Variants in WWOX observed in about 807,000 individuals in gnomAD.
The protein encoded by WWOX is WW domain containing oxidoreductase, also known as WW domain-containing oxidoreductase.
In WWOX, 69 loss-of-function variants were observed where a neutral mutation model predicts 46.2. The observed-to-expected ratio is 1.49, with a 90% CI of 1.23 to 1.82. The LOEUF (loss-of-function observed/expected upper bound fraction) is 1.82, where lower values mean the gene tolerates loss of function less well. Ranked by LOEUF, WWOX falls within the 40% of genes most tolerant of loss-of-function variation. WWOX has a pLI of 0.00. For missense variants in WWOX, 919 were observed against 542.6 expected, an observed-to-expected ratio of 1.69 and a Z score of -6.89; for synonymous variants, 359 against 202.6, an observed-to-expected ratio of 1.77 and a Z score of -6.56.
chr16:78,410,675 A>G (rs969015144), intron 6 of WWOX, among the ~76,000 whole-genome samples: 6 of 151,772 alleles, frequency 4.0e-5, no homozygotes, highest in African/African-American at 1.5e-4. Context: ...GCATGGTGGC[A>G]CATGCATGTA....
intron 6 of WWOX, among the ~76,000 whole-genome samples, chr16:78,420,575 CTA>C (rs200745776): frequency 0.011 from 1,645 of 151,032 alleles, 27 homozygotes; most frequent in African/African-American, 0.037. Flanking sequence ...ATAGGCGAAT[CTA>C]TAGGACAGAA....
At chr16:78,273,947 C>G (rs2079531484) in intron 5 of WWOX, among the ~76,000 whole-genome samples, 1 of 152,150 alleles carries the variant, frequency 6.6e-6, no homozygotes, top group Non-Finnish European at 1.5e-5. Context: ...GAGGGATGGA[C>G]AGGATAGACA....
chr16:79,128,060 G>C (rs1319247303), intron 8 of WWOX, among the ~76,000 whole-genome samples: 1 of 152,178 alleles, frequency 6.6e-6, no homozygotes, highest in African/African-American at 2.4e-5. Context: ...GGGAGATGCT[G>C]ATGATTTGGT....
chr16:78,121,037 C>G (rs2033068507), intron 4 of WWOX, among the ~76,000 whole-genome samples: 2 of 151,748 alleles, frequency 1.3e-5, no homozygotes, highest in South Asian at 4.2e-4. Flanking sequence ...CCATAGCTAA[C>G]TTACATTTAG....
At position 78,316,118 on chromosome 16, in the gene WWOX, A is replaced by G. The variant is rs574430685; in HGVS notation, c.517-70742A>G. Among the ~76,000 whole-genome samples the G allele has an allele frequency of 8.6e-5, 13 of 152,034 alleles. 1 individual carries two copies. In the South Asian group the frequency reaches 2.7e-3, roughly 32 times the overall value. ...AAAAAAATCAGGCATGTTAGCATGC[A>G]CCTGTGGTCCCAGCTACTTGGGAGG... On this transcript the variant is annotated intron_variant, in intron 5 of 8. Coordinates refer to ENST00000566780, the MANE Select transcript of WWOX (RefSeq NM_016373.4).
chr16:79,113,243 C>G (rs945284679), intron 8 of WWOX, among the ~76,000 whole-genome samples: 4 of 152,156 alleles, frequency 2.6e-5, no homozygotes, highest in Non-Finnish European at 5.9e-5. Flanking sequence ...GAAGCAAAAG[C>G]CATCCCAGGG....
At chr16:78,921,641 G>A (rs1206832282) in intron 8 of WWOX, among the ~76,000 whole-genome samples, 3 of 152,184 alleles carry the variant, frequency 2.0e-5, no homozygotes, top group Non-Finnish European at 2.9e-5. Context: ...ATGACCTACA[G>A]GTCATGGAGG....
intron 8 of WWOX, among the ~76,000 whole-genome samples, chr16:78,481,935 C>T (rs936914562): frequency 8.5e-5 from 13 of 152,102 alleles, no homozygotes; most frequent in African/African-American, 9.7e-5. Context: ...CCAAAGATTT[C>T]GTAACTTTCT....
chr16:78,571,053 T>G (rs527473400), intron 8 of WWOX, among the ~76,000 whole-genome samples: 32 of 152,258 alleles, frequency 2.1e-4, no homozygotes, highest in African/African-American at 7.5e-4. Context: ...AAATTTAGAA[T>G]TGAGGTTTGA....
At chr16:78,931,167 T>A (rs572625438) in intron 8 of WWOX, among the ~76,000 whole-genome samples, 7 of 152,138 alleles carry the variant, frequency 4.6e-5, no homozygotes, top group Non-Finnish European at 2.9e-5. Flanking sequence ...AAAACAGAGC[T>A]ATACGCACAT....
chr16:78,875,824 T>G (rs2044223196), intron 8 of WWOX, among the ~76,000 whole-genome samples: 2 of 152,372 alleles, frequency 1.3e-5, no homozygotes, highest in Non-Finnish European at 1.5e-5. Flanking sequence ...CTTACAGGTT[T>G]CTAGGGCATC....
chr16:78,386,743 G>A lies in WWOX; in HGVS notation c.517-117G>A, dbSNP rs1029985284. ...TTCCGATGATTTATATTCTCTCTGGGCGTCTTATATTAAACAGGGGAATTC... is the reference window on the plus strand; with the variant it reads ...TTCCGATGATTTATATTCTCTCTGGACGTCTTATATTAAACAGGGGAATTC... On this transcript the variant is annotated intron_variant, in intron 5 of 8. Transcript: ENST00000566780. 87 of 851,458 alleles carry A rather than the reference G, an allele frequency of 1.0e-4. No individual in the cohort carries two copies. In the East Asian group the frequency reaches 2.1e-3, roughly 21 times the overall value. The allele number at this position is 851,458 out of a possible 1,614,324, so 52.7% of individuals were successfully genotyped here.
chr16:78,687,006 T>G (rs776090786), intron 8 of WWOX, among the ~76,000 whole-genome samples: 1 of 152,200 alleles, frequency 6.6e-6, no homozygotes, highest in Non-Finnish European at 1.5e-5. Context: ...TCCTTATGTT[T>G]CCCCAGTTGG....
chr16:78,751,324 C>G (rs536875208), intron 8 of WWOX, among the ~76,000 whole-genome samples: 3 of 150,152 alleles, frequency 2.0e-5, no homozygotes, highest in African/African-American at 7.3e-5. Flanking sequence ...TCCTGGGAGT[C>G]AAAAGCAAAG....
intron 8 of WWOX, chr16:78,551,265 T>C (rs2044166345): frequency 6.6e-6 from 1 of 152,242 alleles, no homozygotes; most frequent in African/African-American, 2.4e-5. Context: ...AGCATGCTCC[T>C]ATATCTTTTT....
At chr16:78,883,771 A>T (rs771969287) in intron 8 of WWOX, among the ~76,000 whole-genome samples, 1 of 152,104 alleles carries the variant, frequency 6.6e-6, no homozygotes, top group Non-Finnish European at 1.5e-5. Flanking sequence ...TACCATGGTC[A>T]TGTGAGATGT....
chr16:78,888,779 C>T (rs1330044858), intron 8 of WWOX, among the ~76,000 whole-genome samples: 5 of 151,898 alleles, frequency 3.3e-5, no homozygotes, highest in Middle Eastern at 3.4e-3. Flanking sequence ...TGACCTTTGT[C>T]ACTGTTGGTA....
At chr16:78,832,310 A>G (rs1419763901) in intron 8 of WWOX, among the ~76,000 whole-genome samples, 2 of 152,218 alleles carry the variant, frequency 1.3e-5, no homozygotes, top group African/African-American at 2.4e-5. Context: ...GGTCTCCCAC[A>G]GAGTGATGAT....
At chr16:79,203,711 G>C (rs1553723) in intron 8 of WWOX, 33,787 of 152,082 alleles carry the variant, frequency 0.22, 4,323 homozygotes, top group African/African-American at 0.35. Context: ...CTGTGCAGAA[G>C]AAGGGAAGGG....
Sources: allele counts gnomAD v4.1 joint callset (sites outside exome capture counted in the v4.1 genomes callset), GRCh38; gene constraint gnomAD v4.1.1; transcripts MANE v1.5; gene names NCBI Gene and HGNC (gene_info 2026-07-23, HGNC 2026-07-21).